The following FRMD3 variants were observed in gnomAD, a reference collection of about 807,000 sequenced individuals.
FRMD3 encodes FERM domain containing 3.
In FRMD3, 33 loss-of-function variants were observed where a neutral mutation model predicts 70.2. The ratio of observed to expected loss-of-function variants is 0.47; its 90% CI spans 0.36 to 0.63. The LOEUF is 0.63. Ranked by LOEUF, FRMD3 falls within the 20% of genes least tolerant of loss-of-function variation. FRMD3 has a pLI of 0.00. For synonymous variants in FRMD3, 279 were observed against 255.9 expected (o/e 1.09, Z -0.86); for missense variants, 632 against 711.4 (o/e 0.89, Z 1.27).
intron 1 of FRMD3, among the ~76,000 whole-genome samples, chr9:83,398,148 AT>A (rs1334759753): frequency 6.6e-6 from 1 of 152,206 alleles, no homozygotes; most frequent in African/African-American, 2.4e-5. Context: ...ATTTGTGTAA[AT>A]TCACACATTT....
At chr9:83,542,827 G>A (rs930346002), upstream of FRMD3, among the ~76,000 whole-genome samples, 5 of 152,148 alleles carry the variant, frequency 3.3e-5, no homozygotes, top group African/African-American at 1.2e-4. Flanking sequence ...ATTTGACAAA[G>A]AAGCAAAGTC....
chr9:83,334,515 C>T lies in FRMD3; in HGVS notation c.596+1001G>A, dbSNP rs1229982760. 2.0e-5 allele frequency among the ~76,000 whole-genome samples: 3 copies of T among 152,280 alleles called. No individual in the cohort carries two copies. In the East Asian group the frequency reaches 5.8e-4, roughly 29 times the overall value. ...TTCCAGAATGCATAATCCAATGATG[C>T]AATTTTCTTTATACTTACCAGAGGC... is the stretch of plus-strand genomic sequence containing the variant. On this transcript the variant is annotated intron_variant, in intron 6 of 13. Coordinates refer to ENST00000304195, the MANE Select transcript of FRMD3 (RefSeq NM_174938.6).
chr9:83,370,097 C>T (rs1824921707), intron 3 of FRMD3, among the ~76,000 whole-genome samples: 1 of 152,158 alleles, frequency 6.6e-6, no homozygotes, highest in Admixed American at 6.5e-5. Context: ...GCCTATCATC[C>T]TCTGTGAGTA....
chr9:83,520,394 C>T (rs1829545520), intron 1 of FRMD3, among the ~76,000 whole-genome samples: 1 of 152,240 alleles, frequency 6.6e-6, no homozygotes. Context: ...GCTCAGATGA[C>T]ACAGATGTAT....
At chr9:83,579,410 G>A in the FRMD3 span, among the ~76,000 whole-genome samples, 2 of 151,880 alleles carry the variant, frequency 1.3e-5, no homozygotes, top group East Asian at 3.9e-4. Context: ...AATCAAAACA[G>A]CATGGTAATG....
At chr9:83,562,549 G>A in the FRMD3 span, among the ~76,000 whole-genome samples, 1 of 152,124 alleles carries the variant, frequency 6.6e-6, no homozygotes, top group Admixed American at 6.6e-5. Flanking sequence ...ATAAATGCAG[G>A]AACATACGTT....
chr9:83,370,670 G>C (rs1824941849), intron 3 of FRMD3, among the ~76,000 whole-genome samples: 1 of 152,162 alleles, frequency 6.6e-6, no homozygotes, highest in Non-Finnish European at 1.5e-5. Flanking sequence ...CCAACACTTT[G>C]GGAGGCAGAG....
chr9:83,494,609 T>C (rs1828898276), intron 1 of FRMD3, among the ~76,000 whole-genome samples: 1 of 152,190 alleles, frequency 6.6e-6, no homozygotes, highest in Non-Finnish European at 1.5e-5. Context: ...TGTTTTAAAA[T>C]AGTTAACATC....
chr9:83,549,157 ATAAGTTCT>A, the FRMD3 span, among the ~76,000 whole-genome samples: 49 of 152,150 alleles, frequency 3.2e-4, no homozygotes, highest in Non-Finnish European at 6.5e-4. Flanking sequence ...CTTTGTGTTC[ATAAGTTCT>A]TATCATTTAG....
intron 4 of FRMD3, among the ~76,000 whole-genome samples, chr9:83,343,676 G>A (rs1458535402): frequency 1.3e-5 from 2 of 152,198 alleles, no homozygotes; most frequent in Non-Finnish European, 2.9e-5. Context: ...TGTTTCAAAC[G>A]GAGAGCCAGG....
At chr9:83,336,410 G>A (rs1823580494) in intron 5 of FRMD3, among the ~76,000 whole-genome samples, 2 of 151,366 alleles carry the variant, frequency 1.3e-5, no homozygotes, top group East Asian at 2.0e-4. Context: ...ACCACCTTTA[G>A]ATGGAAACCA....
intron 1 of FRMD3, among the ~76,000 whole-genome samples, chr9:83,529,698 TAAAAG>T (rs1829755962): frequency 2.6e-5 from 4 of 152,128 alleles, no homozygotes; most frequent in Non-Finnish European, 5.9e-5. Flanking sequence ...ATCAAGAAAG[TAAAAG>T]ATATCCCACA....
intron 13 of FRMD3, among the ~76,000 whole-genome samples, chr9:83,260,876 C>G (rs1207470854): frequency 6.6e-6 from 1 of 152,148 alleles, no homozygotes; most frequent in East Asian, 1.9e-4. Flanking sequence ...AAGTTTAATA[C>G]TTCAAGCGAA....
At chr9:83,462,516 T>TG (rs1442104692) in intron 1 of FRMD3, among the ~76,000 whole-genome samples, 3 of 152,166 alleles carry the variant, frequency 2.0e-5, no homozygotes, top group African/African-American at 7.2e-5. Flanking sequence ...CCATCCTCAG[T>TG]GGAATTACTA....
At chr9:83,581,865 A>G in the FRMD3 span, among the ~76,000 whole-genome samples, 1 of 152,194 alleles carries the variant, frequency 6.6e-6, no homozygotes, top group East Asian at 1.9e-4. Context: ...TTTATGTGAA[A>G]TGTCCAAAAT....
At chr9:83,386,830 C>T (rs1825524860) in intron 2 of FRMD3, among the ~76,000 whole-genome samples, 1 of 152,170 alleles carries the variant, frequency 6.6e-6, no homozygotes. Flanking sequence ...TGACCTCACA[C>T]TTTTGAAGGT....
chr9:83,497,762 T>C (rs978244921), intron 1 of FRMD3, among the ~76,000 whole-genome samples: 1 of 152,264 alleles, frequency 6.6e-6, no homozygotes, highest in African/African-American at 2.4e-5. Context: ...ACAGCCAGGA[T>C]AGCTGAGTGA....
chr9:83,389,080 T>A (rs1259856509), intron 2 of FRMD3, among the ~76,000 whole-genome samples: 1 of 151,846 alleles, frequency 6.6e-6, no homozygotes, highest in Non-Finnish European at 1.5e-5. Context: ...CCCAAGTAGC[T>A]GTGATGACAG....
intron 1 of FRMD3, among the ~76,000 whole-genome samples, chr9:83,498,170 C>CA (rs34136753): frequency 1.6e-4 from 23 of 147,666 alleles, no homozygotes; most frequent in Non-Finnish European, 1.3e-4. Flanking sequence ...ACTCCGTCTC[C>CA]AAAAAAAAAA....
Sources: allele counts gnomAD v4.1 joint callset (sites outside exome capture counted in the v4.1 genomes callset), GRCh38; gene constraint gnomAD v4.1.1; transcripts MANE v1.5; gene names NCBI Gene and HGNC (gene_info 2026-07-23, HGNC 2026-07-21).